Variants in ADARB2 observed in about 807,000 individuals in gnomAD.
ADARB2 encodes the protein inactive double-stranded RNA-specific editase B2.
Under a neutral mutation model 62.2 loss-of-function variants are expected in ADARB2, and 25 were observed. The ratio of observed to expected loss-of-function variants is 0.40; its 90% CI spans 0.29 to 0.56. ADARB2 has a LOEUF of 0.56. ADARB2 is among the 20% of genes least tolerant of loss of function. The pLI, the probability that ADARB2 is intolerant of heterozygous loss-of-function variation, is 0.43. For synonymous variants in ADARB2, 572 were observed against 500.8 expected, an observed-to-expected ratio of 1.14 and a Z score of -1.90; for missense variants, 1,071 against 1,077.4, an observed-to-expected ratio of 0.99 and a Z score of 0.08.
intron 7 of ADARB2, among the ~76,000 whole-genome samples, chr10:1,213,000 C>G (rs1837177539): frequency 6.6e-6 from 1 of 152,296 alleles, no homozygotes; most frequent in East Asian, 1.9e-4. Flanking sequence ...CGTGGCAGCA[C>G]TCGAGGAGGG....
intron 1 of ADARB2, among the ~76,000 whole-genome samples, chr10:1,545,348 A>C (rs1326191990): frequency 1.3e-5 from 2 of 152,238 alleles, no homozygotes; most frequent in Non-Finnish European, 2.9e-5. Flanking sequence ...GATAGTTCAA[A>C]ATAATTAAAA....
chr10:1,718,485 T>G (rs9988695), intron 1 of ADARB2, among the ~76,000 whole-genome samples: 17,267 of 152,164 alleles, frequency 0.11, 1,811 homozygotes, highest in African/African-American at 0.27. Context: ...CTTGCCCTTT[T>G]GTGTGTGTGC....
At chr10:1,261,385 A>C (rs1413134566) in intron 4 of ADARB2, among the ~76,000 whole-genome samples, 2 of 147,922 alleles carry the variant, frequency 1.4e-5, no homozygotes, top group African/African-American at 5.2e-5. Context: ...AATGGGAGAA[A>C]ATTTTCGCAA....
intron 4 of ADARB2, among the ~76,000 whole-genome samples, chr10:1,254,872 C>T (rs534159521): frequency 6.6e-6 from 1 of 152,342 alleles, no homozygotes; most frequent in East Asian, 1.9e-4. Context: ...ATGCCATGGT[C>T]CCCATTTGCT....
At chr10:1,201,242 GCCGCTCTC>G (rs1416734040) in intron 7 of ADARB2, among the ~76,000 whole-genome samples, 1 of 152,236 alleles carries the variant, frequency 6.6e-6, no homozygotes, top group East Asian at 1.9e-4. Flanking sequence ...GTTTCGGGGA[GCCGCTCTC>G]CCTCTCTCCC....
At chr10:1,553,721 A>T (rs10903483) in intron 1 of ADARB2, among the ~76,000 whole-genome samples, 42,324 of 152,084 alleles carry the variant, frequency 0.28, 7,292 homozygotes, top group East Asian at 0.59. Flanking sequence ...GAGCACTGCC[A>T]GAGTAGGTTA....
intron 1 of ADARB2, among the ~76,000 whole-genome samples, chr10:1,568,836 A>ATCTATCTATCTATCTATCTG (rs1832895292): frequency 6.6e-6 from 1 of 151,836 alleles, no homozygotes; most frequent in Non-Finnish European, 1.5e-5. Context: ...CTATCTATCT[A>ATCTATCTATCTATCTATCTG]TCTATCTATG....
At chr10:1,483,107 A>T (rs1831493922) in intron 1 of ADARB2, among the ~76,000 whole-genome samples, 1 of 152,172 alleles carries the variant, frequency 6.6e-6, no homozygotes, top group African/African-American at 2.4e-5. Context: ...GTGTTGTGCT[A>T]ATTATTATAA....
intron 3 of ADARB2, among the ~76,000 whole-genome samples, chr10:1,320,054 C>G (rs1017406760): frequency 6.6e-6 from 1 of 152,210 alleles, no homozygotes; most frequent in East Asian, 1.9e-4. Context: ...GGCCTCAGCT[C>G]ACCTCTTACT....
chr10:1,631,248 C>A lies in ADARB2; in HGVS notation c.100+105803G>T, dbSNP rs372247630. 3.3e-5 allele frequency among the ~76,000 whole-genome samples: 5 copies of A among 152,160 alleles called. No individual in the cohort carries two copies. The East Asian group carries it at 9.6e-4, about 29-fold the overall frequency. On this transcript the variant is annotated intron_variant, in intron 1 of 9. Transcript: ENST00000381312. ...CTACCCTGTCTTCCTTCTTTACTTT[C>A]TTCCTTCCTCCATTCCATTCAATGA...
At chr10:1,526,097 AG>A (rs1332124427) in intron 1 of ADARB2, among the ~76,000 whole-genome samples, 1 of 152,186 alleles carries the variant, frequency 6.6e-6, no homozygotes, top group East Asian at 1.9e-4. Context: ...TGTCCTAGGT[AG>A]AGACAGCTTT....
chr10:1,405,860 C>G (rs1211138989), intron 1 of ADARB2, among the ~76,000 whole-genome samples: 1 of 151,894 alleles, frequency 6.6e-6, no homozygotes, highest in Non-Finnish European at 1.5e-5. Flanking sequence ...CCAAGATACA[C>G]CCATTTATGA....
At chr10:1,624,828 A>G (rs1291970545) in intron 1 of ADARB2, among the ~76,000 whole-genome samples, 1 of 152,230 alleles carries the variant, frequency 6.6e-6, no homozygotes, top group East Asian at 1.9e-4. Context: ...AGTAAACTAG[A>G]AAGAGAAGAT....
intron 1 of ADARB2, among the ~76,000 whole-genome samples, chr10:1,412,187 CG>C (rs1832765189): frequency 6.6e-6 from 1 of 152,078 alleles, no homozygotes; most frequent in African/African-American, 2.4e-5. Context: ...TGGACGGGTT[CG>C]GAGCGTGCTG....
chr10:1,485,499 G>A (rs1055554861), intron 1 of ADARB2, among the ~76,000 whole-genome samples: 1 of 152,096 alleles, frequency 6.6e-6, no homozygotes, highest in African/African-American at 2.4e-5. Flanking sequence ...CACGCAGCCT[G>A]CATCAACAAC....
At chr10:1,733,412 GA>G (rs5782597) in intron 1 of ADARB2, among the ~76,000 whole-genome samples, 75,769 of 151,108 alleles carry the variant, frequency 0.5, 19,564 homozygotes, top group Non-Finnish European at 0.56. Context: ...GCTTCTTTTA[GA>G]AAAAAAAATA....
chr10:1,297,728 C>CG lies in ADARB2; in HGVS notation c.1078-26660dup, dbSNP rs558992131. Reference sequence around the variant, plus strand: ...TACAGCCTGTGTGCGCTCCTGCCACCGGGGGGCACACCTTTTTCCTCGGTA... The same window carrying CG: ...TACAGCCTGTGTGCGCTCCTGCCACCGGGGGGGCACACCTTTTTCCTCGGTA... On this transcript the variant is annotated intron_variant, in intron 3 of 9. Transcript: ENST00000381312. Among the ~76,000 whole-genome samples the CG allele has an allele frequency of 1.2e-3, 187 of 152,268 alleles. 1 individual carries two copies. Among genetic ancestry groups the CG allele is most frequent in the African/African-American group, 4.4e-3 (181 of 41,546 alleles).
chr10:1,389,782 A>AATAT (rs1832554249), intron 1 of ADARB2, among the ~76,000 whole-genome samples: 1 of 149,914 alleles, frequency 6.7e-6, no homozygotes, highest in Non-Finnish European at 1.5e-5. Context: ...TAAATAAATA[A>AATAT]ATAATAAATA....
chr10:1,190,671 C>A (rs1836829850), intron 8 of ADARB2, among the ~76,000 whole-genome samples: 1 of 152,196 alleles, frequency 6.6e-6, no homozygotes, highest in Non-Finnish European at 1.5e-5. Context: ...GGCTTCACTC[C>A]CATCTCTGCC....
Sources: allele counts gnomAD v4.1 joint callset (sites outside exome capture counted in the v4.1 genomes callset), GRCh38; gene constraint gnomAD v4.1.1; transcripts MANE v1.5; gene names NCBI Gene and HGNC (gene_info 2026-07-23, HGNC 2026-07-21).